The following TBC1D31 variants were observed in gnomAD, a reference collection of about 807,000 sequenced individuals.
The protein encoded by TBC1D31 is WD repeat domain 67.
TBC1D31 carries 99 observed loss-of-function variants against 132.9 expected under a neutral mutation model. The observed-to-expected ratio is 0.74, with a 90% CI of 0.63 to 0.88. The LOEUF is 0.88. Among genes scored for constraint, TBC1D31 ranks in the 40% least tolerant of loss-of-function variants. TBC1D31 has a pLI of 0.00. For missense variants in TBC1D31, 1,134 were observed against 1,256.6 expected, an observed-to-expected ratio of 0.90 and a Z score of 1.48; for synonymous variants, 385 against 419.4, an observed-to-expected ratio of 0.92 and a Z score of 1.00.
chr8:123,163,868 A>G, the TBC1D31 span, among the ~76,000 whole-genome samples: 1 of 152,180 alleles, frequency 6.6e-6, no homozygotes, highest in African/African-American at 2.4e-5. Context: ...CACTAAGTAC[A>G]TTCATAGCAT....
chr8:123,137,571 A>G (rs146171763), intron 17 of TBC1D31, among the ~76,000 whole-genome samples: 231 of 152,350 alleles, frequency 1.5e-3, no homozygotes, highest in African/African-American at 5.3e-3. Flanking sequence ...GACAGTATGT[A>G]AGACTATTGC....
chr8:123,109,067 C>G (rs1279529071), intron 8 of TBC1D31, among the ~76,000 whole-genome samples: 1 of 152,150 alleles, frequency 6.6e-6, no homozygotes, highest in African/African-American at 2.4e-5. Context: ...CAAAGCATAT[C>G]ATGGCCCTTT....
intron 11 of TBC1D31, among the ~76,000 whole-genome samples, chr8:123,124,085 T>A (rs1015854035): frequency 2.0e-5 from 3 of 148,700 alleles, no homozygotes; most frequent in African/African-American, 7.4e-5. Context: ...AAAAAAAAAG[T>A]TGCAACTGTT....
intron 13 of TBC1D31, among the ~76,000 whole-genome samples, chr8:123,127,222 G>C (rs1005356951): frequency 1.4e-4 from 20 of 142,894 alleles, no homozygotes; most frequent in African/African-American, 4.2e-4. Flanking sequence ...CATAGCTTAA[G>C]AAAAGAATCA....
chr8:123,111,663 TACAC>T (rs906858422), intron 10 of TBC1D31, among the ~76,000 whole-genome samples: 1 of 151,432 alleles, frequency 6.6e-6, no homozygotes, highest in East Asian at 1.9e-4. Flanking sequence ...TTAACACACA[TACAC>T]ACACACACAC....
downstream of TBC1D31, among the ~76,000 whole-genome samples, chr8:123,154,587 G>C (rs1822940127): frequency 6.6e-6 from 1 of 152,188 alleles, no homozygotes; most frequent in African/African-American, 2.4e-5. Flanking sequence ...TAGTGTGCAG[G>C]CTGGCCATAT....
At chr8:123,089,901 G>T (rs995557818) in intron 4 of TBC1D31, among the ~76,000 whole-genome samples, 2 of 152,220 alleles carry the variant, frequency 1.3e-5, no homozygotes, top group Non-Finnish European at 2.9e-5. Flanking sequence ...ATTGCCCCAG[G>T]TCTCCTAAAG....
At position 123,093,637 on chromosome 8, in the gene TBC1D31, A is replaced by G. The variant is rs1325200802; in HGVS notation, c.566A>G (p.Asp189Gly). 2 of 1,611,786 alleles carry G rather than the reference A, an allele frequency of 1.2e-6. No homozygotes were observed. The highest frequency in any genetic ancestry group is 1.3e-5 in the African/African-American group (1 of 74,998). The change falls in exon 5 of 22, where the codon GAT (aspartate) becomes GGT (glycine). Residue 189 changes from aspartate (D) to glycine (G), a missense_variant. Coordinates refer to ENST00000287380, the MANE Select transcript of TBC1D31 (RefSeq NM_145647.4). The stretch of plus-strand genomic sequence containing the variant: ...AATACCATCCTCAGCTGTTTTAAAG[A>G]TAATTCCATTTTTGCCTGGGAATGT... ...LSNTILSCFK[D>G]NSIFAWECDT...
At chr8:123,102,664 A>G in intron 7 of TBC1D31, 2 of 194,338 alleles carry the variant, frequency 1.0e-5, no homozygotes, top group Non-Finnish European at 1.1e-5. Context: ...TTTCATGGTC[A>G]TTCAGGGACA....
At chr8:123,163,120 C>G in the TBC1D31 span, among the ~76,000 whole-genome samples, 2 of 151,970 alleles carry the variant, frequency 1.3e-5, no homozygotes, top group Non-Finnish European at 2.9e-5. Flanking sequence ...CCACTGCGCC[C>G]GGCCCATTGG....
At chr8:123,140,394 G>A (rs1480150212) in intron 17 of TBC1D31, among the ~76,000 whole-genome samples, 1 of 152,110 alleles carries the variant, frequency 6.6e-6, no homozygotes, top group Non-Finnish European at 1.5e-5. Context: ...TAGCTTGGGA[G>A]TGGGGTGGGA....
intron 2 of TBC1D31, among the ~76,000 whole-genome samples, chr8:123,080,180 CGTGACA>C (rs1317481479): frequency 6.6e-6 from 1 of 152,156 alleles, no homozygotes; most frequent in Non-Finnish European, 1.5e-5. Flanking sequence ...GCATGTAACA[CGTGACA>C]GTATCCAGGT....
chr8:123,122,168 AAC>A (rs1819563055), intron 11 of TBC1D31, among the ~76,000 whole-genome samples: 2 of 152,364 alleles, frequency 1.3e-5, no homozygotes, highest in South Asian at 4.1e-4. Context: ...ATTACCGTAT[AAC>A]CCAACCATTT....
At chr8:123,135,074 GT>G (rs921515979) in intron 17 of TBC1D31, among the ~76,000 whole-genome samples, 18 of 151,998 alleles carry the variant, frequency 1.2e-4, no homozygotes, top group Admixed American at 9.8e-4. Context: ...TAATTTTTGT[GT>G]TTTTTGTAGA....
chr8:123,163,708 G>T, the TBC1D31 span, among the ~76,000 whole-genome samples: 3 of 151,976 alleles, frequency 2.0e-5, no homozygotes, highest in Admixed American at 1.3e-4. Flanking sequence ...AATACCTTTG[G>T]GGGGTACAGG....
intron 5 of TBC1D31, 118 bp from the exon 6 acceptor site, chr8:123,097,164 G>A: frequency 9.7e-7 from 1 of 1,025,808 alleles, no homozygotes; most frequent in Non-Finnish European, 1.4e-6. Flanking sequence ...TGGGACTAGT[G>A]TGACCATATT....
intron 11 of TBC1D31, chr8:123,123,044 A>G (rs956345421): frequency 6.6e-6 from 1 of 152,284 alleles, no homozygotes; most frequent in Non-Finnish European, 1.5e-5. Flanking sequence ...CTCCACTTGC[A>G]CAGATGCAAG....
intron 10 of TBC1D31, among the ~76,000 whole-genome samples, chr8:123,110,507 A>T (rs985216850): frequency 2.0e-5 from 3 of 152,150 alleles, no homozygotes; most frequent in Non-Finnish European, 4.4e-5. Flanking sequence ...GACTTTTTTT[A>T]AAAATAATTT....
intron 17 of TBC1D31, among the ~76,000 whole-genome samples, chr8:123,134,440 T>C (rs968572343): frequency 4.9e-4 from 74 of 152,016 alleles, no homozygotes; most frequent in African/African-American, 1.8e-3. Context: ...GGCAGGAAGA[T>C]CACTTGAGCC....
Sources: allele counts gnomAD v4.1 joint callset (sites outside exome capture counted in the v4.1 genomes callset), GRCh38; gene constraint gnomAD v4.1.1; transcripts MANE v1.5; gene names NCBI Gene and HGNC (gene_info 2026-07-23, HGNC 2026-07-21).